TMEM51: variants seen among roughly 807,000 people sequenced by gnomAD.
The protein encoded by TMEM51 is transmembrane protein 51.
Under a neutral mutation model 13.6 loss-of-function variants are expected in TMEM51, and 8 were observed. That is an observed-to-expected ratio of 0.59 (90% confidence interval 0.35 to 1.07). The LOEUF (loss-of-function observed/expected upper bound fraction) is 1.07, where lower values mean the gene tolerates loss of function less well. Ranked by LOEUF, TMEM51 falls within the 50% of genes least tolerant of loss-of-function variation. TMEM51 has a pLI of 0.02. For missense variants in TMEM51, 279 were observed against 330.7 expected, an observed-to-expected ratio of 0.84 and a Z score of 1.21; for synonymous variants, 147 against 144.4, an observed-to-expected ratio of 1.02 and a Z score of -0.13.
intron 1 of TMEM51, among the ~76,000 whole-genome samples, chr1:15,198,452 T>C (rs1259960461): frequency 2.0e-5 from 3 of 152,242 alleles, no homozygotes; most frequent in East Asian, 1.9e-4. Context: ...AGTCTCACTG[T>C]GTTGCCCAGG....
chr1:15,205,261 A>ACC (rs1644228974), intron 1 of TMEM51, among the ~76,000 whole-genome samples: 1 of 152,210 alleles, frequency 6.6e-6, no homozygotes, highest in Non-Finnish European at 1.5e-5. Flanking sequence ...TGGATTAGCA[A>ACC]GGACCCTGGT....
At chr1:15,184,064 G>A (rs112178857) in intron 1 of TMEM51, among the ~76,000 whole-genome samples, 10 of 150,754 alleles carry the variant, frequency 6.6e-5, no homozygotes, top group Admixed American at 6.6e-5. Flanking sequence ...TTTTTTTGAC[G>A]GAGTCTCACT....
At chr1:15,155,588 C>G (rs1573362359) in intron 1 of TMEM51, among the ~76,000 whole-genome samples, 1 of 152,276 alleles carries the variant, frequency 6.6e-6, no homozygotes. Context: ...GGAGTCCCCC[C>G]AGGGAACAGG....
chr1:15,154,747 T>G (rs1002060704), intron 1 of TMEM51, among the ~76,000 whole-genome samples: 4 of 152,056 alleles, frequency 2.6e-5, no homozygotes, highest in African/African-American at 9.7e-5. Context: ...ACCTGGCCCC[T>G]CCCCCACGGT....
In TMEM51 at chr1:15,215,404, C is replaced by T; in HGVS notation, c.317C>T (p.Ala106Val). The change falls in exon 3 of 4, where the codon GCT becomes GTT. Residue 106 changes from alanine to valine, a missense_variant. Coordinates refer to ENST00000376008, the MANE Select transcript of TMEM51 (RefSeq NM_001136218.2). Reference protein sequence around the residue: ...DLAHVQHPTGAGPHAQEEDSQ... With the variant: ...DLAHVQHPTGVGPHAQEEDSQ... Reference sequence around the variant, plus strand: ...GCCCATGTCCAGCACCCGACAGGCGCTGGGCCTCACGCCCAGGAGGAAGAC... The same window carrying T: ...GCCCATGTCCAGCACCCGACAGGCGTTGGGCCTCACGCCCAGGAGGAAGAC... 6.2e-7 allele frequency: 1 copy of T among 1,606,792 alleles called. No homozygotes were observed. The highest frequency in any genetic ancestry group is 8.5e-7 in the Non-Finnish European group (1 of 1,177,850).
rs1644491290 is a variant in TMEM51, at chr1:15,219,886, T to A, written c.*143T>A. ...TTGGATGGCGGCGGGCGGGGGGGGA[T>A]TCTCTGTATCAGGAGTGACTTTGTT... On this transcript the variant is annotated 3_prime_UTR_variant, in exon 4 of 4. Transcript: ENST00000376008. 3.3e-6 allele frequency: 3 copies of A among 901,206 alleles called. No homozygotes were observed. The highest frequency in any genetic ancestry group is 4.9e-6 in the Non-Finnish European group (3 of 610,376). The allele number at this position is 901,206 out of a possible 1,614,324, so 55.8% of individuals were successfully genotyped here.
chr1:15,170,170 T>C (rs895910925), intron 1 of TMEM51, among the ~76,000 whole-genome samples: 1 of 152,132 alleles, frequency 6.6e-6, no homozygotes, highest in Non-Finnish European at 1.5e-5. Context: ...TGAAAATCTT[T>C]CCATTCTAGT....
Position 15,207,463 on chromosome 1 carries a change from C to T in TMEM51, c.-266-3027C>T, listed in dbSNP as rs56797685. On this transcript the variant is annotated intron_variant, in intron 1 of 3. Coordinates refer to ENST00000376008, the MANE Select transcript of TMEM51 (RefSeq NM_001136218.2). The surrounding 1 kb of genome is among the most constrained non-coding windows in gnomAD (Gnocchi z 4.6). The stretch of plus-strand genomic sequence containing the variant: ...CAGCCGGGGCAGCGCTGCTTTCCAT[C>T]GTCCCATCTTATTTCAGTCGTTGTC... Among the ~76,000 whole-genome samples, 14,648 of 152,296 alleles carry T rather than the reference C, an allele frequency of 0.096. 795 individuals are homozygous for T. The highest frequency in any genetic ancestry group is 0.11 in the Non-Finnish European group (7,356 of 68,026).
At chr1:15,212,038 C>G (rs10927723) in intron 2 of TMEM51, among the ~76,000 whole-genome samples, 46,536 of 151,814 alleles carry the variant, frequency 0.31, 7,511 homozygotes, top group Non-Finnish European at 0.37. Flanking sequence ...CCATAATTTC[C>G]TTAAGTGCGT....
intron 1 of TMEM51, among the ~76,000 whole-genome samples, chr1:15,189,390 A>C (rs919112031): frequency 6.6e-6 from 1 of 151,916 alleles, no homozygotes; most frequent in Non-Finnish European, 1.5e-5. Flanking sequence ...CTGGTTGTTC[A>C]GCCTGGAAGT....
intron 1 of TMEM51, among the ~76,000 whole-genome samples, chr1:15,175,542 C>T (rs909043207): frequency 6.6e-6 from 1 of 152,206 alleles, no homozygotes; most frequent in Non-Finnish European, 1.5e-5. Flanking sequence ...GTGTATTAGT[C>T]TGTTCTCATG....
intron 1 of TMEM51, among the ~76,000 whole-genome samples, chr1:15,174,256 CT>C (rs1239171317): frequency 6.6e-6 from 1 of 152,080 alleles, no homozygotes; most frequent in African/African-American, 2.4e-5. Context: ...TTTCCTTTTT[CT>C]TTTTCTGATG....
At chr1:15,160,736 A>G (rs1233252975) in intron 1 of TMEM51, among the ~76,000 whole-genome samples, 5 of 151,686 alleles carry the variant, frequency 3.3e-5, no homozygotes, top group Non-Finnish European at 5.9e-5. Flanking sequence ...GACAGATGCA[A>G]ATTCTCTTCT....
chr1:15,153,076 G>T (rs1455491109), upstream of TMEM51, among the ~76,000 whole-genome samples: 1 of 152,224 alleles, frequency 6.6e-6, no homozygotes, highest in African/African-American at 2.4e-5. Flanking sequence ...GCGCCCTGGG[G>T]ACCACGCATC....
chr1:15,158,608 T>C (rs1642665997), intron 1 of TMEM51, among the ~76,000 whole-genome samples: 1 of 151,974 alleles, frequency 6.6e-6, no homozygotes, highest in African/African-American at 2.4e-5. Context: ...TCTTGCAGAG[T>C]AGGCGTTTCA....
At chr1:15,158,914 G>A (rs914909580) in intron 1 of TMEM51, among the ~76,000 whole-genome samples, 2 of 152,306 alleles carry the variant, frequency 1.3e-5, no homozygotes, top group Middle Eastern at 3.4e-3. Flanking sequence ...TTCCTGTCAC[G>A]AGAAATATTC....
At chr1:15,177,576 G>T (rs911531726) in intron 1 of TMEM51, among the ~76,000 whole-genome samples, 2 of 151,930 alleles carry the variant, frequency 1.3e-5, no homozygotes, top group African/African-American at 4.8e-5. Context: ...ACAGACTGAA[G>T]GGGGGGGCCT....
At position 15,215,414 on chromosome 1, in the gene TMEM51, C is replaced by T. The variant is rs72874051; in HGVS notation, c.327C>T (p.His109=). Residue 109 remains histidine, a synonymous_variant, in exon 3 of 4, where the codon CAC becomes CAT. Transcript: ENST00000376008. ...AGCACCCGACAGGCGCTGGGCCTCA[C>T]GCCCAGGAGGAAGACAGGTGAGGCC... The part of the protein sequence containing the change: ...HVQHPTGAGP[H]AQEEDSQEEE... 8.1e-4 allele frequency: 1,298 copies of T among 1,603,672 alleles called. 8 individuals are homozygous for T. In the African/African-American group the frequency reaches 0.012, roughly 14 times the overall value.
intron 1 of TMEM51, chr1:15,171,031 T>G (rs1643251302): frequency 1.5e-6 from 1 of 650,272 alleles, no homozygotes; most frequent in Admixed American, 3.5e-5. Context: ...GTTCTCCATC[T>G]TCAGCTTGTG....
Sources: allele counts gnomAD v4.1 joint callset (sites outside exome capture counted in the v4.1 genomes callset), GRCh38; gene constraint gnomAD v4.1.1; non-coding constraint Gnocchi (gnomAD v3.1); transcripts MANE v1.5; gene names NCBI Gene and HGNC (gene_info 2026-07-23, HGNC 2026-07-21).